The following ATOSA variants were observed in gnomAD, a reference collection of about 807,000 sequenced individuals.
ATOSA encodes the protein atos homolog A.
chr15:52,695,880 A>G, the ATOSA span, among the ~76,000 whole-genome samples: 1 of 152,234 alleles, frequency 6.6e-6, no homozygotes, highest in African/African-American at 2.4e-5. Context: ...GACAGTCAGC[A>G]CAAAGGCTCA....
the ATOSA span, among the ~76,000 whole-genome samples, chr15:52,679,978 C>T: frequency 0.022 from 3,347 of 151,092 alleles, 143 homozygotes; most frequent in African/African-American, 0.078. Context: ...ACAGGAAGCC[C>T]ACCCCCACCC....
At chr15:52,596,199 A>G in the ATOSA span, among the ~76,000 whole-genome samples, 1 of 152,206 alleles carries the variant, frequency 6.6e-6, no homozygotes, top group Non-Finnish European at 1.5e-5. Flanking sequence ...ATATAAATAA[A>G]TGAATTTCAG....
At chr15:52,666,627 A>G in the ATOSA span, among the ~76,000 whole-genome samples, 3 of 152,226 alleles carry the variant, frequency 2.0e-5, no homozygotes, top group East Asian at 5.8e-4. Context: ...TTGTCAAGTA[A>G]TAAGTTTTAT....
At chr15:52,589,327 T>A in the ATOSA span, among the ~76,000 whole-genome samples, 1 of 152,168 alleles carries the variant, frequency 6.6e-6, no homozygotes, top group Non-Finnish European at 1.5e-5. Context: ...CTTCCTAGTT[T>A]CAGAAAGAAA....
chr15:52,600,556 AG>A, the ATOSA span, among the ~76,000 whole-genome samples: 1,162 of 152,260 alleles, frequency 7.6e-3, 11 homozygotes, highest in Non-Finnish European at 8.4e-3. Context: ...TTAAATTCCC[AG>A]ATTTTATCTT....
At chr15:52,628,661 T>C in the ATOSA span, among the ~76,000 whole-genome samples, 1 of 152,200 alleles carries the variant, frequency 6.6e-6, no homozygotes, top group Non-Finnish European at 1.5e-5. Flanking sequence ...ATATTTTTAA[T>C]GTTATTTAAA....
chr15:52,611,971 G>A, the ATOSA span, among the ~76,000 whole-genome samples: 2 of 152,046 alleles, frequency 1.3e-5, no homozygotes, highest in African/African-American at 4.8e-5. Flanking sequence ...AGAGTGCAAG[G>A]ATTAGTAATG....
At chr15:52,639,308 G>T in the ATOSA span, among the ~76,000 whole-genome samples, 2 of 152,170 alleles carry the variant, frequency 1.3e-5, no homozygotes, top group South Asian at 2.1e-4. Flanking sequence ...GGCAAGCACA[G>T]TTCTCATAGT....
At chr15:52,683,948 C>T in the ATOSA span, among the ~76,000 whole-genome samples, 1 of 152,220 alleles carries the variant, frequency 6.6e-6, no homozygotes, top group African/African-American at 2.4e-5. Flanking sequence ...AACCCATACA[C>T]TCATACACAC....
At chr15:52,643,301 A>T in the ATOSA span, among the ~76,000 whole-genome samples, 25 of 152,228 alleles carry the variant, frequency 1.6e-4, no homozygotes, top group Non-Finnish European at 2.6e-4. Flanking sequence ...TGAACTTTTT[A>T]AAAAAACTGA....
At chr15:52,651,869 CCTT>C in the ATOSA span, 4 of 1,535,462 alleles carry the variant, frequency 2.6e-6, no homozygotes, top group Non-Finnish European at 2.6e-6. Context: ...TCACTACACA[CCTT>C]CTCTGTGAAG....
the ATOSA span, chr15:52,679,135 C>G: frequency 6.5e-6 from 1 of 153,276 alleles, no homozygotes; most frequent in Non-Finnish European, 1.4e-5. Flanking sequence ...GGCTCCCCGG[C>G]GCCCCTGTGG....
At chr15:52,596,390 T>G in the ATOSA span, among the ~76,000 whole-genome samples, 1 of 152,176 alleles carries the variant, frequency 6.6e-6, no homozygotes, top group Non-Finnish European at 1.5e-5. Flanking sequence ...ACAATAAAGT[T>G]AGGACTCACA....
chr15:52,620,338 T>C, the ATOSA span, among the ~76,000 whole-genome samples: 1 of 152,112 alleles, frequency 6.6e-6, no homozygotes, highest in Non-Finnish European at 1.5e-5. Flanking sequence ...TATTCTTTGT[T>C]CTCCAGAAAA....
the ATOSA span, among the ~76,000 whole-genome samples, chr15:52,634,855 G>T: frequency 6.6e-5 from 10 of 152,080 alleles, no homozygotes; most frequent in Non-Finnish European, 1.3e-4. Context: ...GCTCATCTTG[G>T]CCTCCCAAAG....
At chr15:52,582,134 C>T in the ATOSA span, 17 of 1,545,272 alleles carry the variant, frequency 1.1e-5, no homozygotes, top group Non-Finnish European at 1.5e-5. Context: ...TGAGTAAATA[C>T]TTTAAATCAT....
At chr15:52,610,443 G>C in the ATOSA span, 2 of 1,480,274 alleles carry the variant, frequency 1.4e-6, no homozygotes, top group Non-Finnish European at 1.8e-6. Context: ...CCTTATTATT[G>C]TATATTATTT....
the ATOSA span, among the ~76,000 whole-genome samples, chr15:52,583,681 C>T: frequency 5.3e-5 from 8 of 152,144 alleles, no homozygotes; most frequent in Non-Finnish European, 1.0e-4. Flanking sequence ...CCACCGTGCC[C>T]GGCTATACCA....
chr15:52,631,762 C>T, the ATOSA span, among the ~76,000 whole-genome samples: 1 of 152,130 alleles, frequency 6.6e-6, no homozygotes, highest in African/African-American at 2.4e-5. Context: ...AATGCTAACC[C>T]AAGAAATTGC....
Sources: allele counts gnomAD v4.1 joint callset (sites outside exome capture counted in the v4.1 genomes callset), GRCh38; gene constraint gnomAD v4.1.1; transcripts MANE v1.5; gene names NCBI Gene and HGNC (gene_info 2026-07-23, HGNC 2026-07-21).